CCNQ: variants seen among roughly 807,000 people sequenced by gnomAD.
The protein encoded by CCNQ is cyclin Q, also known as cyclin-Q.
In CCNQ, 3 loss-of-function variants were observed where a neutral mutation model predicts 17.7. That is an observed-to-expected ratio of 0.17 (90% CI 0.08 to 0.44). The LOEUF (loss-of-function observed/expected upper bound fraction) is 0.44. CCNQ is among the 20% of genes least tolerant of loss of function. CCNQ has a pLI of 0.99. For missense variants in CCNQ, 146 were observed against 222.6 expected, an observed-to-expected ratio of 0.66 and a Z score of 2.19; for synonymous variants, 73 against 96.0, an observed-to-expected ratio of 0.76 and a Z score of 1.40.
chrX:153,593,913 C>T (rs1412030712), intron 3 of CCNQ, among the ~76,000 whole-genome samples: 6 of 112,297 alleles, frequency 5.3e-5, no homozygotes, highest in African/African-American at 1.9e-4. Context: ...TAGCCCAGAG[C>T]CCCAAACCAC....
At chrX:153,595,699 A>ATC (rs1557026852) in intron 2 of CCNQ, among the ~76,000 whole-genome samples, 7 of 111,895 alleles carry the variant, frequency 6.3e-5, no homozygotes, top group African/African-American at 2.3e-4. Flanking sequence ...TAAGACTTCC[A>ATC]CAGAATCTTC....
At chrX:153,588,824 A>C (rs1415936554) in intron 4 of CCNQ, among the ~76,000 whole-genome samples, 5 of 112,983 alleles carry the variant, frequency 4.4e-5, no homozygotes, top group African/African-American at 9.6e-5. Flanking sequence ...AGAGGGTGGC[A>C]GTCCCTGTGC....
chrX:153,589,150 T>A (rs1203634173), intron 4 of CCNQ, among the ~76,000 whole-genome samples: 8 of 112,650 alleles, frequency 7.1e-5, no homozygotes, highest in African/African-American at 2.6e-4. Flanking sequence ...GCTAACCACA[T>A]CATTTATGGT....
At chrX:153,596,333 G>A (rs1430421822) in intron 1 of CCNQ, 146 bp from the exon 2 acceptor site, 1 of 619,567 alleles carries the variant, frequency 1.6e-6, no homozygotes, top group Non-Finnish European at 2.6e-6. Flanking sequence ...GGCTCCTGCT[G>A]GGTCTCTTAC....
intron 1 of CCNQ, 139 bp downstream of exon 1, chrX:153,598,823 G>T: frequency 2.7e-6 from 1 of 367,377 alleles, no homozygotes; most frequent in Non-Finnish European, 4.1e-6. Flanking sequence ...CGGCGCAAAG[G>T]CGGAGGTCCT....
intron 3 of CCNQ, 28 bp downstream of exon 3, chrX:153,594,519 A>C (rs1569536868): frequency 8.3e-7 from 1 of 1,209,115 alleles, no homozygotes; most frequent in Non-Finnish European, 1.1e-6. Context: ...GAGCCTCTCC[A>C]AACAGGCACC....
chrX:153,594,623 C>T lies in CCNQ; in HGVS notation c.353G>A (p.Arg118Gln). 5.0e-6 allele frequency: 6 copies of T among 1,211,503 alleles called. No homozygotes were observed. Among genetic ancestry groups the T allele is most frequent in the Non-Finnish European group, 6.7e-6 (6 of 895,329 alleles). ...AAGCTCACACTGCACGATGCTGTCC[C>T]GGAGTTCCCAGAAGCGGGAGTCCAA... ...LELDSRFWEL[R>Q]DSIVQCELLM... Residue 118 changes from arginine to glutamine, a missense_variant, in exon 3 of 5, where the codon CGG (arginine) becomes CAG (glutamine). Physicochemically the swap from Arg to Gln is conservative, Grantham distance 43 (BLOSUM62 1). Coordinates refer to ENST00000576892, the MANE Select transcript of CCNQ (RefSeq NM_152274.5).
chrX:153,595,974 G>C, intron 2 of CCNQ, 30 bp downstream of exon 2: 1 of 1,209,603 alleles, frequency 8.3e-7, no homozygotes, highest in Non-Finnish European at 1.1e-6. Context: ...CCACCGGGTG[G>C]AGATCAGGAG....
In CCNQ at chrX:153,590,231, T is replaced by TAAAAAAAAAA. The variant is rs59053078; in HGVS notation, c.658-1787_658-1778dup. On this transcript the variant is annotated intron_variant, in intron 4 of 4. Coordinates refer to ENST00000576892, the MANE Select transcript of CCNQ (RefSeq NM_152274.5). The stretch of plus-strand genomic sequence containing the variant: ...CAATAGAGTGAGACTCTGTCTCTAT[T>TAAAAAAAAAA]AAAAAAAAAAAAAAAAAAAAAAAAA... Among the ~76,000 whole-genome samples the TAAAAAAAAAA allele has an allele frequency of 3.8e-4, 10 of 26,450 alleles. 1 individual carries two copies. The highest frequency in any genetic ancestry group is 1.4e-3 in the African/African-American group (8 of 5,734). 23.0% of individuals were successfully genotyped at this position (26,450 alleles called of 115,157 possible).
chrX:153,591,358 T>A (rs1557025737), intron 4 of CCNQ, among the ~76,000 whole-genome samples: 1 of 112,172 alleles, frequency 8.9e-6, no homozygotes, highest in Non-Finnish European at 1.9e-5. Flanking sequence ...GTCTGAACGA[T>A]GACTGGGTGA....
chrX:153,595,384 C>T (rs1176562094), intron 2 of CCNQ, among the ~76,000 whole-genome samples: 1 of 113,898 alleles, frequency 8.8e-6, no homozygotes, highest in African/African-American at 3.2e-5. Flanking sequence ...TCCCAAAGTG[C>T]TGGGATCACA....
chrX:153,593,966 G>A (rs1045499538), intron 3 of CCNQ, among the ~76,000 whole-genome samples: 2 of 113,062 alleles, frequency 1.8e-5, no homozygotes, highest in Admixed American at 9.3e-5. Context: ...TGAGCTGCCC[G>A]TGCATGGAGC....
intron 2 of CCNQ, 36 bp downstream of exon 2, chrX:153,595,968 C>A (rs2294105): frequency 2.5e-6 from 3 of 1,207,352 alleles, no homozygotes; most frequent in Admixed American, 4.3e-5. Flanking sequence ...TCCCCCCCAC[C>A]GGGTGGAGAT....
At chrX:153,593,890 A>G (rs2091009046) in intron 3 of CCNQ, among the ~76,000 whole-genome samples, 1 of 112,015 alleles carries the variant, frequency 8.9e-6, no homozygotes, top group African/African-American at 3.3e-5. Context: ...CCGATGAAAA[A>G]GAATGAAACT....
At chrX:153,595,223 T>G (rs1005924517) in intron 2 of CCNQ, among the ~76,000 whole-genome samples, 51 of 113,291 alleles carry the variant, frequency 4.5e-4, no homozygotes, top group African/African-American at 1.3e-3. Context: ...GCTCAAGCGA[T>G]CCTCCCGCCT....
intron 1 of CCNQ, among the ~76,000 whole-genome samples, chrX:153,598,296 AT>A (rs1485585716): frequency 7.2e-5 from 8 of 111,478 alleles, no homozygotes; most frequent in Non-Finnish European, 1.5e-4. Flanking sequence ...CACACCTGTA[AT>A]TCCAGCTACT....
chrX:153,593,994 C>T (rs781823707), intron 3 of CCNQ, among the ~76,000 whole-genome samples: 1 of 113,227 alleles, frequency 8.8e-6, no homozygotes, highest in Non-Finnish European at 1.9e-5. Flanking sequence ...CCCAGAGCAT[C>T]GTGTGCCAGT....
Position 153,596,205 on chromosome X carries a change from G to A in CCNQ, c.113-18C>T. The A allele has an allele frequency of 4.1e-6, 5 of 1,209,872 alleles. No individual in the cohort carries two copies. The highest frequency in any genetic ancestry group is 5.6e-6 in the Non-Finnish European group (5 of 893,551). On this transcript the variant is annotated intron_variant, in intron 1 of 4. Transcript: ENST00000576892. The stretch of plus-strand genomic sequence containing the variant: ...CTTGACACCTGCGGAGAGAAAGCAG[G>A]CAAGAGAGGACTTCAATCCAGCGCT...
intron 2 of CCNQ, among the ~76,000 whole-genome samples, chrX:153,595,316 C>T (rs1479693050): frequency 9.0e-6 from 1 of 111,227 alleles, no homozygotes; most frequent in Admixed American, 9.4e-5. Flanking sequence ...CGAGGTTTCA[C>T]CATGTTGACC....
Sources: allele counts gnomAD v4.1 joint callset (sites outside exome capture counted in the v4.1 genomes callset), GRCh38; gene constraint gnomAD v4.1.1; transcripts MANE v1.5; gene names NCBI Gene and HGNC (gene_info 2026-07-23, HGNC 2026-07-21).